The following KCNK12 variants were observed in gnomAD, a reference collection of about 807,000 sequenced individuals.
KCNK12 encodes the protein potassium two pore domain channel subfamily K member 12, also known as potassium channel subfamily K member 12.
Under a neutral mutation model 25.3 loss-of-function variants are expected in KCNK12, and 6 were observed. The ratio of observed to expected loss-of-function variants is 0.24; its 90% CI spans 0.13 to 0.47. KCNK12 has a LOEUF of 0.47. Among genes scored for constraint, KCNK12 ranks in the 20% least tolerant of loss-of-function variants. The pLI is 0.99. For missense variants in KCNK12, 444 were observed against 661.7 expected (o/e 0.67, Z 3.61); for synonymous variants, 331 against 311.1 (o/e 1.06, Z -0.67).
intron 1 of KCNK12, chr2:47,563,883 G>A (rs1312200900): frequency 2.2e-5 from 5 of 232,458 alleles, no homozygotes; most frequent in Non-Finnish European, 2.5e-5. Context: ...AAGACTGAGT[G>A]GAAATATGTT....
chr2:47,551,537 T>C lies in KCNK12; in HGVS notation c.391+18404A>G, dbSNP rs1185470942. ...CTGGGGATTTTCAGTTGCTGGCACA[T>C]AGTGGAGCGCTCAAGAAATATTTGT... is the stretch of plus-strand genomic sequence containing the variant. On this transcript the variant is annotated intron_variant, in intron 1 of 1. Transcript: ENST00000327876. This position sits in a 1 kb window ranked among gnomAD's most constrained non-coding sequence, Gnocchi z 5.3. Among the ~76,000 whole-genome samples, 1 of 152,164 alleles carries C rather than the reference T, an allele frequency of 6.6e-6. No individual in the cohort carries two copies. The highest frequency in any genetic ancestry group is 1.5e-5 in the Non-Finnish European group (1 of 68,012).
At chr2:47,568,319 ACT>A (rs1225144322) in intron 1 of KCNK12, among the ~76,000 whole-genome samples, 2 of 151,390 alleles carry the variant, frequency 1.3e-5, no homozygotes, top group Non-Finnish European at 2.9e-5. Flanking sequence ...AAAAAAAAAA[ACT>A]CTAGTTGCTA....
chr2:47,569,413 G>A lies in KCNK12; in HGVS notation c.391+528C>T, dbSNP rs1001739242. Reference sequence around the variant, plus strand: ...GACTGTAGGAGAAGCAAGTGGGAAGGAGATGTAGGGAAAGTGATCCTGGGG... The same window carrying A: ...GACTGTAGGAGAAGCAAGTGGGAAGAAGATGTAGGGAAAGTGATCCTGGGG... On this transcript the variant is annotated intron_variant, in intron 1 of 1. Coordinates refer to ENST00000327876, the MANE Select transcript of KCNK12 (RefSeq NM_022055.2). The surrounding 1 kb of genome is among the most constrained non-coding windows in gnomAD (Gnocchi z 4.1). Among the ~76,000 whole-genome samples the A allele has an allele frequency of 4.6e-5, 7 of 152,258 alleles. No homozygotes were observed. Among genetic ancestry groups the A allele is most frequent in the Middle Eastern group, 3.4e-3 (1 of 294 alleles).
intron 1 of KCNK12, 73 bp from the exon 2 acceptor site, chr2:47,521,881 T>TGGGGGGGGGGGGG: frequency 9.4e-5 from 20 of 212,148 alleles, no homozygotes; most frequent in East Asian, 2.5e-4. Flanking sequence ...GTGGGGGGTG[T>TGGGGGGGGGGGGG]GGGGGCGGGG....
chr2:47,534,622 G>C (rs895878610), intron 1 of KCNK12, among the ~76,000 whole-genome samples: 1 of 144,858 alleles, frequency 6.9e-6, no homozygotes, highest in African/African-American at 2.6e-5. Context: ...ATGGGACAAA[G>C]ACGTGACTGA....
At position 47,570,563 on chromosome 2, in the gene KCNK12, G is replaced by A. The variant is rs1056019793; in HGVS notation, c.-232C>T. ...GAGTCCCGTGGCCCAGCGGGTGCCC[G>A]GGCAGGGGCGCTCCTCTGCGCGCCC... On this transcript the variant is annotated 5_prime_UTR_variant, in exon 1 of 2. Transcript: ENST00000327876. 9 of 317,426 alleles carry A rather than the reference G, an allele frequency of 2.8e-5. No homozygotes were observed. Among genetic ancestry groups the A allele is most frequent in the African/African-American group, 4.4e-5 (2 of 45,560 alleles). 19.7% of individuals were successfully genotyped at this position (317,426 alleles called of 1,614,324 possible). A position where few individuals can be genotyped will look rare whatever the true frequency, so the allele number is the denominator to read the frequency against.
At chr2:47,532,346 T>G (rs1475926413) in intron 1 of KCNK12, among the ~76,000 whole-genome samples, 1 of 152,140 alleles carries the variant, frequency 6.6e-6, no homozygotes, top group Admixed American at 6.5e-5. Flanking sequence ...TTATTACTGC[T>G]TTTTTCTTTT....
rs1317123940 is a variant in KCNK12, at chr2:47,521,324, G to A, written c.876C>T (p.Tyr292=). 4 of 1,613,526 alleles carry A rather than the reference G, an allele frequency of 2.5e-6. No individual in the cohort carries two copies. The African/African-American group carries it at 4.0e-5, about 16-fold the overall frequency. The part of the protein sequence containing the change: ...LFILLGVCCI[Y]SLFNVISILI... ...GGATGGAGATGACGTTGAAGAGCGA[G>A]TAAATGCAGCACACGCCGAGCAGGA... Residue 292 remains tyrosine (Y), a synonymous_variant, in exon 2 of 2, where the codon TAC becomes TAT. Transcript: ENST00000327876.
rs1365464933 is a variant in KCNK12 at position 47,509,486 on chromosome 2, C to T, written c.*11421G>A. On this transcript the variant is annotated 3_prime_UTR_variant, in exon 2 of 2. Coordinates refer to ENST00000327876, the MANE Select transcript of KCNK12 (RefSeq NM_022055.2). ...CTGGCTGCCAACACGTCAGTTGTATCAGCATTAGCTGGCTGGAGGTGGCCT... is the reference window on the plus strand; with the variant it reads ...CTGGCTGCCAACACGTCAGTTGTATTAGCATTAGCTGGCTGGAGGTGGCCT... 6.6e-6 allele frequency among the ~76,000 whole-genome samples: 1 copy of T among 152,212 alleles called. No individual in the cohort carries two copies. Among genetic ancestry groups the T allele is most frequent in the East Asian group, 1.9e-4 (1 of 5,200 alleles).
rs952866234 is a variant in KCNK12 at position 47,534,382 on chromosome 2, G to C, written c.392-12574C>G. On this transcript the variant is annotated intron_variant, in intron 1 of 1. Coordinates refer to ENST00000327876, the MANE Select transcript of KCNK12 (RefSeq NM_022055.2). The stretch of plus-strand genomic sequence containing the variant: ...CTCCTGGGGAGCAGCTGTCAAGCTC[G>C]GCCCTGAGCTGGCGGGAAGATGACT... Among the ~76,000 whole-genome samples the C allele has an allele frequency of 3.3e-5, 5 of 151,842 alleles. No individual in the cohort carries two copies. In the East Asian group the frequency reaches 5.8e-4, roughly 18 times the overall value.
chr2:47,563,661 G>C lies in KCNK12; in HGVS notation c.391+6280C>G, dbSNP rs1343723356. ...CAACTGAGGAAAGGCCCACTGGTCC[G>C]GACTCCAGCCCCCACCCCTAATTAC... On this transcript the variant is annotated intron_variant, in intron 1 of 1. Coordinates refer to ENST00000327876, the MANE Select transcript of KCNK12 (RefSeq NM_022055.2). The C allele has an allele frequency of 3.0e-5, 7 of 232,906 alleles. No homozygotes were observed. The East Asian group carries it at 3.6e-4, about 12-fold the overall frequency. The allele number at this position is 232,906 out of a possible 1,614,324, so 14.4% of individuals were successfully genotyped here. A position where few individuals can be genotyped will look rare whatever the true frequency, so the allele number is the denominator to read the frequency against.
chr2:47,515,227 A>G lies in KCNK12; in HGVS notation c.*5680T>C, dbSNP rs1023598664. On this transcript the variant is annotated 3_prime_UTR_variant, in exon 2 of 2. Transcript: ENST00000327876. The stretch of plus-strand genomic sequence containing the variant: ...TAATGGGTCTTGGCTGGAAGCTAAC[A>G]GGAAGGCCTCTTTCCAGAAACACTG... Among the ~76,000 whole-genome samples, 1 of 152,194 alleles carries G rather than the reference A, an allele frequency of 6.6e-6. No individual in the cohort carries two copies. The highest frequency in any genetic ancestry group is 2.4e-5 in the African/African-American group (1 of 41,454).
intron 1 of KCNK12, among the ~76,000 whole-genome samples, chr2:47,544,025 C>T (rs1426073437): frequency 2.0e-5 from 3 of 152,190 alleles, no homozygotes; most frequent in Admixed American, 6.5e-5. Flanking sequence ...CTTCCCTCCA[C>T]TCTTGGTGGC....
At position 47,513,430 on chromosome 2, in the gene KCNK12, C is replaced by T. The variant is rs1370247861; in HGVS notation, c.*7477G>A. ...CTGTGCTCTTGGTTTTCTCCCATAT[C>T]TCTGACCCTCTTTCCTTAGTCTTTT... On this transcript the variant is annotated 3_prime_UTR_variant, in exon 2 of 2. Coordinates refer to ENST00000327876, the MANE Select transcript of KCNK12 (RefSeq NM_022055.2). 6.6e-6 allele frequency among the ~76,000 whole-genome samples: 1 copy of T among 152,190 alleles called. No homozygotes were observed. Among genetic ancestry groups the T allele is most frequent in the Non-Finnish European group, 1.5e-5 (1 of 68,024 alleles).
At chr2:47,521,957 TAGTC>T (rs1000762603) in intron 1 of KCNK12, 149 bp from the exon 2 acceptor site, 1 of 639,088 alleles carries the variant, frequency 1.6e-6, no homozygotes, top group Non-Finnish European at 2.5e-6. Flanking sequence ...GAACAGCACT[TAGTC>T]ATTTATCTCC....
At position 47,565,674 on chromosome 2, in the gene KCNK12, G is replaced by A. The variant is rs1669774914; in HGVS notation, c.391+4267C>T. 6.6e-6 allele frequency: 1 copy of A among 152,216 alleles called. No individual in the cohort carries two copies. The highest frequency in any genetic ancestry group is 6.5e-5 in the Admixed American group (1 of 15,282). 9.4% of individuals were successfully genotyped at this position (152,216 alleles called of 1,614,324 possible). The stretch of plus-strand genomic sequence containing the variant: ...CAGATGCATAATTAAAACCCCAGTG[G>A]AGAGTTTCCATTTAATCTTTTCAAA... On this transcript the variant is annotated intron_variant, in intron 1 of 1. Transcript: ENST00000327876. The surrounding 1 kb of genome is among the most constrained non-coding windows in gnomAD (Gnocchi z 5.0).
chr2:47,556,140 G>T lies in KCNK12; in HGVS notation c.391+13801C>A, dbSNP rs974165965. Among the ~76,000 whole-genome samples, 15 of 152,298 alleles carry T rather than the reference G, an allele frequency of 9.8e-5. No homozygotes were observed. Among genetic ancestry groups the T allele is most frequent in the African/African-American group, 3.4e-4 (14 of 41,556 alleles). On this transcript the variant is annotated intron_variant, in intron 1 of 1. Coordinates refer to ENST00000327876, the MANE Select transcript of KCNK12 (RefSeq NM_022055.2). The surrounding 1 kb of genome is among the most constrained non-coding windows in gnomAD (Gnocchi z 4.8). Reference sequence around the variant, plus strand: ...CAGAGAAATGGGAAAGTAGCAGGAGGGTGATGCAGGGTCTATTAAGAAGGA... The same window carrying T: ...CAGAGAAATGGGAAAGTAGCAGGAGTGTGATGCAGGGTCTATTAAGAAGGA...
chr2:47,521,844 C>T, intron 1 of KCNK12, 36 bp from the exon 2 acceptor site: 1 of 1,256,540 alleles, frequency 8.0e-7, no homozygotes, highest in Non-Finnish European at 1.0e-6. Flanking sequence ...CGGTCCTGGC[C>T]GCGCAGGTGG....
At position 47,528,034 on chromosome 2, in the gene KCNK12, A is replaced by G. The variant is rs938788483; in HGVS notation, c.392-6226T>C. On this transcript the variant is annotated intron_variant, in intron 1 of 1. Coordinates refer to ENST00000327876, the MANE Select transcript of KCNK12 (RefSeq NM_022055.2). This position sits in a 1 kb window ranked among gnomAD's most constrained non-coding sequence, Gnocchi z 4.5. ...CAGGCTCACCTCTGGGACAGGGCGC[A>G]TATAGTCTGGGCCAGAACTTGTCCT... 6.6e-6 allele frequency among the ~76,000 whole-genome samples: 1 copy of G among 152,090 alleles called. No individual in the cohort carries two copies. The highest frequency in any genetic ancestry group is 2.1e-4 in the South Asian group (1 of 4,826).
Sources: gnomAD v4.1 joint callset for allele counts (sites outside exome capture counted in the v4.1 genomes callset) on GRCh38, gnomAD v4.1.1 for gene constraint, Gnocchi (gnomAD v3.1) non-coding constraint, MANE v1.5 for transcripts, NCBI Gene and HGNC (gene_info 2026-07-23, HGNC 2026-07-21) for gene names.